EMC10: variants seen among roughly 807,000 people sequenced by gnomAD.
The protein encoded by EMC10 is ER membrane protein complex subunit 10.
A neutral mutation model predicts 32.2 loss-of-function variants in EMC10; 40 were observed. That is an observed-to-expected ratio of 1.24 (90% confidence interval 0.96 to 1.61). The LOEUF (loss-of-function observed/expected upper bound fraction) is 1.61. Among genes scored for constraint, EMC10 ranks in the 40% most tolerant of loss-of-function variants. The probability of loss-of-function intolerance (pLI) is 0.00; values close to 1 mark genes in which losing one functional copy is unlikely to be tolerated. For synonymous variants in EMC10, 178 were observed against 158.4 expected (o/e 1.12, Z -0.93); for missense variants, 402 against 357.7 (o/e 1.12, Z -1.00).
At position 50,488,410 on chromosome 19, in the gene EMC10, G is replaced by A. The variant is rs1036626857; in HGVS notation, c.*6151G>A. 3.3e-5 allele frequency: 5 copies of A among 149,654 alleles called. No homozygotes were observed. Among genetic ancestry groups the A allele is most frequent in the Non-Finnish European group, 5.9e-5 (4 of 67,466 alleles). 9.3% of individuals were successfully genotyped at this position (149,654 alleles called of 1,614,324 possible). A position where few individuals can be genotyped will look rare whatever the true frequency, so the allele number is the denominator to read the frequency against. Reference sequence around the variant, plus strand: ...AGAAGTGGAAAGAGAAGAAAAAACAGAAGAGGAAAGAAAGACGAGGGGGTG... The same window carrying A: ...AGAAGTGGAAAGAGAAGAAAAAACAAAAGAGGAAAGAAAGACGAGGGGGTG... On this transcript the variant is annotated 3_prime_UTR_variant, in exon 7 of 7. Transcript: ENST00000334976.
chr19:50,487,571 G>C lies in EMC10; in HGVS notation c.*5312G>C, dbSNP rs949072705. On this transcript the variant is annotated 3_prime_UTR_variant, in exon 7 of 7. Coordinates refer to ENST00000334976, the MANE Select transcript of EMC10 (RefSeq NM_206538.4). Reference sequence around the variant, plus strand: ...CCACTCCTGGGCCTCAGGCTTGGGGGCCCTGCTCAGGGCTAGCCTGTTTGG... The same window carrying C: ...CCACTCCTGGGCCTCAGGCTTGGGGCCCCTGCTCAGGGCTAGCCTGTTTGG... 6.6e-6 allele frequency: 1 copy of C among 152,416 alleles called. No individual in the cohort carries two copies. Among genetic ancestry groups the C allele is most frequent in the Non-Finnish European group, 1.5e-5 (1 of 68,190 alleles). The allele number at this position is 152,416 out of a possible 1,614,324, so 9.4% of individuals were successfully genotyped here.
chr19:50,482,220 G>C lies in EMC10; in HGVS notation c.750G>C (p.Gly250=). 2 of 1,125,476 alleles carry C rather than the reference G, an allele frequency of 1.8e-6. No individual in the cohort carries two copies. Among genetic ancestry groups the C allele is most frequent in the Non-Finnish European group, 1.3e-6 (1 of 779,442 alleles). The allele number at this position is 1,125,476 out of a possible 1,614,324, so 69.7% of individuals were successfully genotyped here. A position where few individuals can be genotyped will look rare whatever the true frequency, so the allele number is the denominator to read the frequency against. Residue 250 remains glycine (G), a synonymous_variant, in exon 7 of 7, where the codon GGG becomes GGC. Transcript: ENST00000334976. ...SGAPDTGGQG[G]GGGGGGGGGS... ...CGCCAGACACCGGGGGCCAGGGTGG[G>C]GGTGGGGGTGGGGGTGGTGGTGGGG...
In EMC10 at chr19:50,480,733, G is replaced by T. The variant is rs757540220; in HGVS notation, c.555G>T (p.Val185=). 1 of 1,600,854 alleles carries T rather than the reference G, an allele frequency of 6.2e-7. No individual in the cohort carries two copies. The highest frequency in any genetic ancestry group is 1.3e-5 in the African/African-American group (1 of 74,824). ...DVDLELFNTS[V]QLQPPTTAPG... is the part of the protein sequence containing the mutation. ...ACCTGGAGCTGTTCAACACCTCGGT[G>T]CAGCTGCAGCCGCCCACCACAGCCC... The change falls in exon 5 of 7, where the codon GTG becomes GTT. Residue 185 remains valine, a synonymous_variant. Transcript: ENST00000334976. This position sits in a 1 kb window ranked among gnomAD's most constrained non-coding sequence, Gnocchi z 4.4.
In EMC10 at chr19:50,480,683, C is replaced by T. The variant is rs373032128; in HGVS notation, c.505C>T (p.Arg169Trp). ...VSVVTHPGGC[R>W]GHEVEDVDLE... Reference sequence around the variant, plus strand: ...GGTGGTGACGCACCCCGGGGGCTGCCGGGGCCATGAGGTGGAGGACGTGGA... The same window carrying T: ...GGTGGTGACGCACCCCGGGGGCTGCTGGGGCCATGAGGTGGAGGACGTGGA... Residue 169 changes from arginine to tryptophan, a missense_variant, in exon 5 of 7, where the codon CGG becomes TGG. By Grantham distance (101) the Arg-to-Trp change is moderately radical. Coordinates refer to ENST00000334976, the MANE Select transcript of EMC10 (RefSeq NM_206538.4). This position sits in a 1 kb window ranked among gnomAD's most constrained non-coding sequence, Gnocchi z 4.4. 1.1e-5 allele frequency: 17 copies of T among 1,602,338 alleles called. No homozygotes were observed. The highest frequency in any genetic ancestry group is 1.6e-4 in the Middle Eastern group (1 of 6,068).
In EMC10 at chr19:50,480,620, C is replaced by T. The variant is rs1489440252; in HGVS notation, c.442C>T (p.Leu148=). The T allele has an allele frequency of 6.4e-7, 1 of 1,574,538 alleles. No individual in the cohort carries two copies. The highest frequency in any genetic ancestry group is 8.6e-7 in the Non-Finnish European group (1 of 1,160,396). Residue 148 remains leucine, a synonymous_variant, in exon 5 of 7, where the codon CTG becomes TTG. Coordinates refer to ENST00000334976, the MANE Select transcript of EMC10 (RefSeq NM_206538.4). The surrounding 1 kb of genome is among the most constrained non-coding windows in gnomAD (Gnocchi z 4.4). The part of the protein sequence containing the change: ...VESHLSDQLT[L]HVDVAGNVVG... ...GTCGCACCTGTCGGACCAGCTGACC[C>T]TGCACGTGGATGTGGCCGGCAACGT...
At position 50,479,064 on chromosome 19, in the gene EMC10, C is replaced by T. The variant is rs564099237; in HGVS notation, c.295C>T (p.Arg99Trp). Residue 99 changes from arginine (R) to tryptophan (W), a missense_variant and splice_region_variant, in exon 3 of 7, where the codon CGG becomes TGG. By Grantham distance (101) the Arg-to-Trp change is moderately radical. Coordinates refer to ENST00000334976, the MANE Select transcript of EMC10 (RefSeq NM_206538.4). ...CAGCGAGGAGGAGCGGGGCCGACTC[C>T]GGGTGAGGTGGGGCCCTCAGGGCTG... ...QLSEEERGRL[R>W]DVAALNGLYR... is the part of the protein sequence containing the mutation. 22 of 1,600,556 alleles carry T rather than the reference C, an allele frequency of 1.4e-5. No homozygotes were observed. Among genetic ancestry groups the T allele is most frequent in the South Asian group, 5.6e-5 (5 of 88,986 alleles).
intron 6 of EMC10, 70 bp downstream of exon 6, chr19:50,481,047 C>T: frequency 7.9e-7 from 1 of 1,268,004 alleles, no homozygotes; most frequent in South Asian, 1.3e-5. Context: ...GCCCTCCATG[C>T]TCCCACCCAG....
chr19:50,482,031 C>A, intron 6 of EMC10, 118 bp from the exon 7 acceptor site: 1 of 1,528,824 alleles, frequency 6.5e-7, no homozygotes, highest in Non-Finnish European at 9.1e-7. Context: ...GGCGCCCTCC[C>A]CTTACGCGAC....
At position 50,483,096 on chromosome 19, in the gene EMC10, C is replaced by T; in HGVS notation, c.*837C>T. The T allele has an allele frequency of 4.0e-6, 2 of 501,514 alleles. No individual in the cohort carries two copies. Among genetic ancestry groups the T allele is most frequent in the South Asian group, 1.5e-5 (1 of 64,942 alleles). The allele number at this position is 501,514 out of a possible 1,614,324, so 31.1% of individuals were successfully genotyped here. On this transcript the variant is annotated 3_prime_UTR_variant, in exon 7 of 7. Transcript: ENST00000334976. ...GCGGGCCTTTGCTGTGTGCCACCCTCCCTGTAAGTCTATTTAAAAACATCG... is the reference window on the plus strand; with the variant it reads ...GCGGGCCTTTGCTGTGTGCCACCCTTCCTGTAAGTCTATTTAAAAACATCG...
chr19:50,481,762 C>T, intron 6 of EMC10: 5 of 1,038,276 alleles, frequency 4.8e-6, no homozygotes, highest in Admixed American at 5.6e-5. Context: ...GCCTGCTGGG[C>T]CCTGCCCTGC....
intron 6 of EMC10, 128 bp from the exon 7 acceptor site, chr19:50,482,021 G>C: frequency 6.3e-7 from 1 of 1,581,044 alleles, no homozygotes; most frequent in Non-Finnish European, 8.7e-7. Flanking sequence ...AGGGGACCTG[G>C]GCGCCCTCCC....
At position 50,486,908 on chromosome 19, in the gene EMC10, C is replaced by G. The variant is rs1329218830; in HGVS notation, c.*4649C>G. On this transcript the variant is annotated 3_prime_UTR_variant, in exon 7 of 7. Transcript: ENST00000334976. ...CTCTCCCCTCCTTCCACCCAGTATCCCCTGTTCCTCCCCCAGGCATTCTGG... is the reference window on the plus strand; with the variant it reads ...CTCTCCCCTCCTTCCACCCAGTATCGCCTGTTCCTCCCCCAGGCATTCTGG... 6.6e-6 allele frequency: 1 copy of G among 151,778 alleles called. No homozygotes were observed. The highest frequency in any genetic ancestry group is 1.5e-5 in the Non-Finnish European group (1 of 68,012). The allele number at this position is 151,778 out of a possible 1,614,324, so 9.4% of individuals were successfully genotyped here. A position where few individuals can be genotyped will look rare whatever the true frequency, so the allele number is the denominator to read the frequency against.
chr19:50,478,303 A>G (rs1055470288), intron 2 of EMC10, among the ~76,000 whole-genome samples: 4 of 152,220 alleles, frequency 2.6e-5, no homozygotes, highest in Non-Finnish European at 4.4e-5. Flanking sequence ...GTATTAACTC[A>G]GATGTCCTCA....
intron 3 of EMC10, among the ~76,000 whole-genome samples, chr19:50,479,855 G>A (rs564064515): frequency 4.6e-5 from 7 of 152,382 alleles, no homozygotes; most frequent in African/African-American, 9.6e-5. Flanking sequence ...CCACTCCATC[G>A]CTGGGCTGGG....
rs191162701 is a variant in EMC10 at position 50,480,429 on chromosome 19, G to A, written c.403-152G>A. The stretch of plus-strand genomic sequence containing the variant: ...GATAGCATTGTGAGGACTCCCGGGT[G>A]GGGGGCGGTTGAACTTGGGCCTGAG... On this transcript the variant is annotated intron_variant, in intron 4 of 6. Transcript: ENST00000334976. This position sits in a 1 kb window ranked among gnomAD's most constrained non-coding sequence, Gnocchi z 4.4. 5.9e-6 allele frequency: 6 copies of A among 1,016,432 alleles called. No individual in the cohort carries two copies. Among genetic ancestry groups the A allele is most frequent in the Middle Eastern group, 2.2e-4 (1 of 4,526 alleles). 63.0% of individuals were successfully genotyped at this position (1,016,432 alleles called of 1,614,324 possible).
At position 50,480,872 on chromosome 19, in the gene EMC10, C is replaced by T. The variant is rs1398765105; in HGVS notation, c.585-12C>T. ...CGGGCCTCACCCTTCTCCTCCTCTCCCCTTGCCCCAGCCCTGAGACGGCGG... is the reference window on the plus strand; with the variant it reads ...CGGGCCTCACCCTTCTCCTCCTCTCTCCTTGCCCCAGCCCTGAGACGGCGG... On this transcript the variant is annotated splice_polypyrimidine_tract_variant and intron_variant, in intron 5 of 6. Coordinates refer to ENST00000334976, the MANE Select transcript of EMC10 (RefSeq NM_206538.4). The surrounding 1 kb of genome is among the most constrained non-coding windows in gnomAD (Gnocchi z 4.4). The T allele has an allele frequency of 1.3e-6, 2 of 1,596,294 alleles. No homozygotes were observed. Among genetic ancestry groups the T allele is most frequent in the East Asian group, 4.5e-5 (2 of 44,508 alleles).
chr19:50,490,480 A>T lies in EMC10; in HGVS notation c.*8221A>T, dbSNP rs888344133. 1 of 152,108 alleles carries T rather than the reference A, an allele frequency of 6.6e-6. No individual in the cohort carries two copies. Among genetic ancestry groups the T allele is most frequent in the Non-Finnish European group, 1.5e-5 (1 of 68,008 alleles). 9.4% of individuals were successfully genotyped at this position (152,108 alleles called of 1,614,324 possible). A position where few individuals can be genotyped will look rare whatever the true frequency, so the allele number is the denominator to read the frequency against. On this transcript the variant is annotated 3_prime_UTR_variant, in exon 7 of 7. Coordinates refer to ENST00000334976, the MANE Select transcript of EMC10 (RefSeq NM_206538.4). ...TGGGTCAACGCGGAGGGACGTGGGA[A>T]CCCATCCCGGTGAAGCGGCAGCGTC...
chr19:50,477,796 C>A, intron 1 of EMC10, 133 bp from the exon 2 acceptor site: 1 of 600,276 alleles, frequency 1.7e-6, no homozygotes. Flanking sequence ...GAAATAAAGG[C>A]AAGCAGCAGT....
Position 50,480,848 on chromosome 19 carries a change from G to C in EMC10, c.585-36G>C, listed in dbSNP as rs201206109. The C allele has an allele frequency of 3.2e-6, 5 of 1,577,094 alleles. No individual in the cohort carries two copies. The highest frequency in any genetic ancestry group is 1.7e-4 in the Middle Eastern group (1 of 5,858). Reference sequence around the variant, plus strand: ...CAGGGTCTCCAGGTCCCTGGACTCCGGGCCTCACCCTTCTCCTCCTCTCCC... The same window carrying C: ...CAGGGTCTCCAGGTCCCTGGACTCCCGGCCTCACCCTTCTCCTCCTCTCCC... On this transcript the variant is annotated intron_variant, in intron 5 of 6. Coordinates refer to ENST00000334976, the MANE Select transcript of EMC10 (RefSeq NM_206538.4). This position sits in a 1 kb window ranked among gnomAD's most constrained non-coding sequence, Gnocchi z 4.4.
Sources: allele counts gnomAD v4.1 joint callset (sites outside exome capture counted in the v4.1 genomes callset), GRCh38; gene constraint gnomAD v4.1.1; non-coding constraint Gnocchi (gnomAD v3.1); transcripts MANE v1.5; gene names NCBI Gene and HGNC (gene_info 2026-07-23, HGNC 2026-07-21).